The following OR2I1 variants were observed in gnomAD, a reference collection of about 807,000 sequenced individuals.
OR2I1 encodes the protein putative olfactory receptor 2I1.
chr6:29,556,676 G>A, the OR2I1 span: 74 of 307,880 alleles, frequency 2.4e-4, no homozygotes, highest in Non-Finnish European at 2.9e-4. Flanking sequence ...TAGTCATTGG[G>A]CCAAGGGTGG....
At chr6:29,556,604 C>T in the OR2I1 span, 1 of 506,292 alleles carries the variant, frequency 2.0e-6, no homozygotes. Context: ...AAATCCTGAG[C>T]CCCCAACCAA....
At chr6:29,551,164 C>T in the OR2I1 span, among the ~76,000 whole-genome samples, 2 of 152,132 alleles carry the variant, frequency 1.3e-5, no homozygotes, top group African/African-American at 4.8e-5. Flanking sequence ...GTTATGTGTC[C>T]GTGTAATCAC....
the OR2I1 span, chr6:29,555,400 A>T: frequency 1.3e-5 from 2 of 156,472 alleles, no homozygotes; most frequent in African/African-American, 4.8e-5. Flanking sequence ...ATTTTATAAA[A>T]TATCATTTCA....
the OR2I1 span, chr6:29,550,709 C>T: frequency 1.3e-5 from 2 of 152,236 alleles, no homozygotes; most frequent in Non-Finnish European, 2.9e-5. Context: ...GCATCCATTC[C>T]AGAAATCAAC....
chr6:29,555,936 AATC>A, the OR2I1 span: 1 of 1,613,094 alleles, frequency 6.2e-7, no homozygotes, highest in South Asian at 1.1e-5. Flanking sequence ...CTGATGCCGT[AATC>A]TGCCATCATC....
the OR2I1 span, chr6:29,553,503 C>T: frequency 7.5e-6 from 3 of 398,656 alleles, no homozygotes; most frequent in South Asian, 3.8e-4. Flanking sequence ...CGCGCAGCCA[C>T]TGCACGGCCC....
At chr6:29,555,898 ACATGCCAG>A in the OR2I1 span, 1 of 1,613,024 alleles carries the variant, frequency 6.2e-7, no homozygotes, top group East Asian at 2.2e-5. Flanking sequence ...CAATACAATA[ACATGCCAG>A]GAAGAGTAAG....
At chr6:29,551,076 C>T in the OR2I1 span, among the ~76,000 whole-genome samples, 16 of 152,164 alleles carry the variant, frequency 1.1e-4, no homozygotes, top group Non-Finnish European at 2.2e-4. Context: ...GTTATCTGTG[C>T]AGTTTTATTA....
chr6:29,553,987 T>G, the OR2I1 span: 1 of 398,814 alleles, frequency 2.5e-6, no homozygotes, highest in African/African-American at 2.1e-5. Flanking sequence ...CTCGGCCATC[T>G]ACACCTACCT....
At chr6:29,550,632 C>T in the OR2I1 span, 2 of 152,178 alleles carry the variant, frequency 1.3e-5, no homozygotes, top group Non-Finnish European at 2.9e-5. Context: ...CTTTTTATTC[C>T]TCTATTTACA....
the OR2I1 span, chr6:29,557,072 T>C: frequency 6.6e-6 from 1 of 152,236 alleles, no homozygotes; most frequent in Non-Finnish European, 1.5e-5. Flanking sequence ...TTAGAGATTA[T>C]AAGACTGAGA....
At chr6:29,553,376 G>A in the OR2I1 span, 3 of 399,014 alleles carry the variant, frequency 7.5e-6, no homozygotes, top group African/African-American at 2.1e-5. Context: ...CGCGACCCGC[G>A]CCTGCACACG....
chr6:29,552,994 T>C, the OR2I1 span: 1 of 369,352 alleles, frequency 2.7e-6, no homozygotes, highest in Non-Finnish European at 4.8e-6. Context: ...TCATTCTGCC[T>C]ACCGAGTGTT....
chr6:29,555,948 T>C, the OR2I1 span: 1 of 1,613,126 alleles, frequency 6.2e-7, no homozygotes, highest in Non-Finnish European at 8.5e-7. Flanking sequence ...TCTGCCATCA[T>C]CTTCCCATCT....
At chr6:29,553,507 A>C in the OR2I1 span, 2 of 398,498 alleles carry the variant, frequency 5.0e-6, no homozygotes, top group Non-Finnish European at 8.8e-6. Context: ...CAGCCACTGC[A>C]CGGCCCAGCT....
At chr6:29,554,092 C>T in the OR2I1 span, 2 of 398,938 alleles carry the variant, frequency 5.0e-6, no homozygotes, top group African/African-American at 4.1e-5. Flanking sequence ...CATCTACACC[C>T]TCAGGAATAA....
chr6:29,555,988 C>T, the OR2I1 span: 2 of 1,613,146 alleles, frequency 1.2e-6, no homozygotes, highest in Non-Finnish European at 1.7e-6. Context: ...AAGTCACAAT[C>T]TGGGTCTCAG....
At chr6:29,556,101 C>T in the OR2I1 span, 1 of 1,613,118 alleles carries the variant, frequency 6.2e-7, no homozygotes, top group Non-Finnish European at 8.5e-7. Context: ...CCTGACTCCA[C>T]AAGAAACAAG....
chr6:29,556,165 CTCTT>C, the OR2I1 span: 1 of 1,613,102 alleles, frequency 6.2e-7, no homozygotes, highest in Non-Finnish European at 8.5e-7. Context: ...GGATGGTCTT[CTCTT>C]TGTCAATGCC....
Sources: gnomAD v4.1 joint callset for allele counts (sites outside exome capture counted in the v4.1 genomes callset) on GRCh38, gnomAD v4.1.1 for gene constraint, MANE v1.5 for transcripts, NCBI Gene and HGNC (gene_info 2026-07-23, HGNC 2026-07-21) for gene names.